Variants in SESTD1 observed in about 807,000 individuals in gnomAD.
The protein encoded by SESTD1 is SEC14 domain and spectrin repeat-containing protein 1.
SESTD1 carries 43 observed loss-of-function variants against 101.7 expected under a neutral mutation model. The ratio of observed to expected loss-of-function variants is 0.42; its 90% confidence interval spans 0.33 to 0.55. The LOEUF (loss-of-function observed/expected upper bound fraction) is 0.55. Among genes scored for constraint, SESTD1 ranks in the 20% least tolerant of loss-of-function variants. The pLI, the probability that SESTD1 is intolerant of heterozygous loss-of-function variation, is 0.07. For synonymous variants in SESTD1, 283 were observed against 286.8 expected (o/e 0.99, Z 0.13); for missense variants, 647 against 815.1 (o/e 0.79, Z 2.51).
At chr2:179,119,868 G>T (rs571991483) in intron 13 of SESTD1, among the ~76,000 whole-genome samples, 5 of 152,162 alleles carry the variant, frequency 3.3e-5, no homozygotes, top group South Asian at 4.2e-4. Context: ...GTTTCCTGAG[G>T]TTTCCCCAGC....
intron 1 of SESTD1, among the ~76,000 whole-genome samples, chr2:179,231,931 T>C (rs992932802): frequency 1.3e-5 from 2 of 151,974 alleles, no homozygotes; most frequent in African/African-American, 4.8e-5. Context: ...TATCATCACA[T>C]AGCAACTACT....
intron 3 of SESTD1, among the ~76,000 whole-genome samples, chr2:179,179,895 A>C (rs2046077410): frequency 1.3e-5 from 2 of 152,172 alleles, no homozygotes; most frequent in South Asian, 4.1e-4. Flanking sequence ...AACATGTTAA[A>C]CCTGCTCCTG....
intron 10 of SESTD1, among the ~76,000 whole-genome samples, chr2:179,131,224 T>G (rs191812392): frequency 5.9e-5 from 9 of 152,016 alleles, no homozygotes; most frequent in Non-Finnish European, 8.8e-5. Flanking sequence ...GAAAGCAATA[T>G]GAGGAAACTA....
In SESTD1 at chr2:179,117,578, A is replaced by G. The variant is rs1216813218; in HGVS notation, c.1478T>C (p.Met493Thr). The G allele has an allele frequency of 1.9e-6, 3 of 1,587,886 alleles. No individual in the cohort carries two copies. The highest frequency in any genetic ancestry group is 1.7e-6 in the Non-Finnish European group (2 of 1,171,424). Reference sequence around the variant, plus strand: ...TTTAAACAACTGCACCATCTGAAGCATCTTTAACCTTCGCACATCTACCAT... The same window carrying G: ...TTTAAACAACTGCACCATCTGAAGCGTCTTTAACCTTCGCACATCTACCAT... ...EDMVDVRRLKMLQMVQLFKCE... is the reference protein window; with the variant it reads ...EDMVDVRRLKTLQMVQLFKCE... Residue 493 changes from methionine (M) to threonine (T), a missense_variant, in exon 14 of 18, where the codon ATG (methionine) becomes ACG (threonine). Met to Thr is a moderately conservative substitution (Grantham distance 81, BLOSUM62 -1). Around this residue, in one of 3 missense-constraint regions of SESTD1, gnomAD observed 476 missense variants for 562.6 expected, o/e 0.85. Transcript: ENST00000428443.
chr2:179,233,731 G>T (rs929718269), intron 1 of SESTD1, among the ~76,000 whole-genome samples: 1 of 152,244 alleles, frequency 6.6e-6, no homozygotes, highest in African/African-American at 2.4e-5. Context: ...TGGGATCACA[G>T]GCATGAGCCA....
Position 179,199,015 on chromosome 2 carries a change from G to C in SESTD1, c.-25-7149C>G, listed in dbSNP as rs191998270. Among the ~76,000 whole-genome samples the C allele has an allele frequency of 2.6e-5, 4 of 152,178 alleles. No individual in the cohort carries two copies. In the East Asian group the frequency reaches 7.7e-4, roughly 29 times the overall value. On this transcript the variant is annotated intron_variant, in intron 1 of 17. Transcript: ENST00000428443. ...TCCTTCAAAAAATTAAAGAATCCAG[G>C]ACCTGGTTTTTTGACAGGATCAACA...
At chr2:179,168,047 C>A (rs913951726) in intron 5 of SESTD1, among the ~76,000 whole-genome samples, 1 of 152,148 alleles carries the variant, frequency 6.6e-6, no homozygotes, top group Non-Finnish European at 1.5e-5. Flanking sequence ...TCAAGAGCCA[C>A]CGCACCCGGT....
intron 1 of SESTD1, among the ~76,000 whole-genome samples, chr2:179,229,972 CAT>C (rs1017352391): frequency 1.3e-5 from 2 of 150,446 alleles, no homozygotes; most frequent in African/African-American, 4.9e-5. Context: ...CATAGTCACA[CAT>C]AGTTGTTGCA....
chr2:179,172,782 A>C (rs1487026540), intron 4 of SESTD1, among the ~76,000 whole-genome samples: 1 of 152,210 alleles, frequency 6.6e-6, no homozygotes, highest in East Asian at 1.9e-4. Context: ...ATACTACCTA[A>C]TGAACTGAAA....
At chr2:179,130,213 CT>C (rs1406640840) in intron 10 of SESTD1, among the ~76,000 whole-genome samples, 5 of 152,114 alleles carry the variant, frequency 3.3e-5, no homozygotes, top group African/African-American at 4.8e-5. Context: ...AGGATCCCCC[CT>C]GGGTATCAAG....
intron 1 of SESTD1, among the ~76,000 whole-genome samples, chr2:179,253,423 C>A (rs2047347246): frequency 1.3e-5 from 2 of 152,080 alleles, no homozygotes; most frequent in South Asian, 4.1e-4. Context: ...ACAAATGAAC[C>A]ACAGTAGGAT....
Position 179,112,793 on chromosome 2 carries a change from A to G in SESTD1, c.1892T>C (p.Phe631Ser), listed in dbSNP as rs752335993. The G allele has an allele frequency of 1.2e-6, 2 of 1,613,200 alleles. No individual in the cohort carries two copies. The highest frequency in any genetic ancestry group is 1.1e-5 in the South Asian group (1 of 91,068). Residue 631 changes from phenylalanine to serine, a missense_variant, in exon 17 of 18, where the codon TTT (phenylalanine) becomes TCT (serine). Physicochemically the swap from Phe to Ser is radical, Grantham distance 155. This residue lies in a region of SESTD1 where 476 missense variants were observed against 562.6 expected (regional missense o/e 0.85). Transcript: ENST00000428443. ...EPEAINDEEQ[F>S]DEIEAVGKSL... is the part of the protein sequence containing the mutation. ...TTTCCCAACTGCTTCAATTTCATCA[A>G]ATTGCTCCTCATCATTAATAGCTTC...
intron 1 of SESTD1, among the ~76,000 whole-genome samples, chr2:179,235,516 A>G (rs1386300246): frequency 6.6e-6 from 1 of 152,184 alleles, no homozygotes; most frequent in Non-Finnish European, 1.5e-5. Context: ...GTCCAAACCC[A>G]CATACGTATT....
intron 13 of SESTD1, among the ~76,000 whole-genome samples, chr2:179,119,417 G>A (rs936686726): frequency 7.2e-5 from 11 of 152,218 alleles, no homozygotes; most frequent in Admixed American, 4.6e-4. Flanking sequence ...AATGATTCCA[G>A]TCTGGACATA....
intron 1 of SESTD1, among the ~76,000 whole-genome samples, chr2:179,242,666 C>G (rs1424343739): frequency 6.6e-6 from 1 of 152,092 alleles, no homozygotes; most frequent in Non-Finnish European, 1.5e-5. Context: ...AGACAAACCT[C>G]AGCCATCTGC....
intron 13 of SESTD1, among the ~76,000 whole-genome samples, chr2:179,120,390 A>T (rs1215331831): frequency 6.6e-6 from 1 of 152,190 alleles, no homozygotes; most frequent in East Asian, 1.9e-4. Flanking sequence ...GGAGAGCTGT[A>T]ACTACTAAAC....
Position 179,251,139 on chromosome 2 carries a change from T to A in SESTD1, c.-26+13360A>T, listed in dbSNP as rs141216854. Reference sequence around the variant, plus strand: ...ACCTGTGTATGAATCTCCAGTGAATTATGCTGAATTAAAAAAACCAATCCC... The same window carrying A: ...ACCTGTGTATGAATCTCCAGTGAATAATGCTGAATTAAAAAAACCAATCCC... On this transcript the variant is annotated intron_variant, in intron 1 of 17. Coordinates refer to ENST00000428443, the MANE Select transcript of SESTD1 (RefSeq NM_178123.5). 7.8e-4 allele frequency among the ~76,000 whole-genome samples: 119 copies of A among 152,250 alleles called. 1 individual carries two copies. The highest frequency in any genetic ancestry group is 2.8e-3 in the African/African-American group (116 of 41,540).
intron 1 of SESTD1, among the ~76,000 whole-genome samples, chr2:179,258,956 A>G (rs910849569): frequency 1.4e-4 from 22 of 152,332 alleles, no homozygotes; most frequent in Admixed American, 1.4e-3. Flanking sequence ...TAGTTCATTC[A>G]TACACTTAGT....
intron 1 of SESTD1, among the ~76,000 whole-genome samples, chr2:179,242,789 C>A (rs912767799): frequency 2.6e-5 from 4 of 152,112 alleles, no homozygotes; most frequent in African/African-American, 9.7e-5. Flanking sequence ...TTACCACATA[C>A]AAAAATTAAC....
Sources: allele counts gnomAD v4.1 joint callset (sites outside exome capture counted in the v4.1 genomes callset), GRCh38; gene constraint gnomAD v4.1.1; regional missense constraint gnomAD v4.1.1; transcripts MANE v1.5; gene names NCBI Gene and HGNC (gene_info 2026-07-23, HGNC 2026-07-21).